MDGA2: variants seen among roughly 807,000 people sequenced by gnomAD.
MDGA2 encodes the protein MAM domain-containing glycosylphosphatidylinositol anchor protein 2.
In MDGA2, 40 loss-of-function variants were observed where a neutral mutation model predicts 117.8. The ratio of observed to expected loss-of-function variants is 0.34; its 90% confidence interval spans 0.26 to 0.44. The LOEUF (loss-of-function observed/expected upper bound fraction) is 0.44. Ranked by LOEUF, MDGA2 falls within the 20% of genes least tolerant of loss-of-function variation. The pLI, the probability that MDGA2 is intolerant of heterozygous loss-of-function variation, is 1.00. For missense variants in MDGA2, 1,123 were observed against 1,250.6 expected (o/e 0.90, Z 1.54); for synonymous variants, 452 against 439.0 (o/e 1.03, Z -0.37).
chr14:47,211,224 C>A lies in MDGA2; in HGVS notation c.595+6797G>T, dbSNP rs557533575. Among the ~76,000 whole-genome samples, 10 of 152,212 alleles carry A rather than the reference C, an allele frequency of 6.6e-5. No homozygotes were observed. The East Asian group carries it at 1.6e-3, about 24-fold the overall frequency. ...TTATTTCGTGCCTTTAATCAAATTT[C>A]TCACCCATTAAAAGATACCTTTGGC... On this transcript the variant is annotated intron_variant, in intron 3 of 16. Coordinates refer to ENST00000399232, the MANE Select transcript of MDGA2 (RefSeq NM_001113498.3).
At chr14:47,546,784 T>C (rs1405260000) in intron 1 of MDGA2, among the ~76,000 whole-genome samples, 1 of 152,138 alleles carries the variant, frequency 6.6e-6, no homozygotes, top group Non-Finnish European at 1.5e-5. Flanking sequence ...TGAGAATGTT[T>C]CTTGGTCTCT....
intron 1 of MDGA2, among the ~76,000 whole-genome samples, chr14:47,508,871 T>C (rs972729750): frequency 4.6e-5 from 7 of 152,124 alleles, no homozygotes; most frequent in Non-Finnish European, 1.0e-4. Context: ...TTTGTATTTT[T>C]AGTAGAGACG....
chr14:47,116,442 C>G (rs2182525), intron 5 of MDGA2, among the ~76,000 whole-genome samples: 46,569 of 151,774 alleles, frequency 0.31, 7,676 homozygotes, highest in African/African-American at 0.42. Flanking sequence ...ACAAAAACCA[C>G]AAATAGCCAA....
intron 1 of MDGA2, among the ~76,000 whole-genome samples, chr14:47,390,841 A>T (rs1027581195): frequency 6.6e-6 from 1 of 151,828 alleles, no homozygotes; most frequent in Admixed American, 6.6e-5. Context: ...TTCTCCTGGA[A>T]TTTTTCCTAT....
Position 47,340,409 on chromosome 14 carries a change from C to A in MDGA2, c.281-38859G>T, listed in dbSNP as rs1214939136. 3.3e-5 allele frequency among the ~76,000 whole-genome samples: 5 copies of A among 152,162 alleles called. No individual in the cohort carries two copies. The East Asian group carries it at 7.7e-4, about 23-fold the overall frequency. ...AACCAAAATGAAAAATAAAAAATAG[C>A]CAAAATACTAATTTTTACTCATAAT... On this transcript the variant is annotated intron_variant, in intron 1 of 16. Transcript: ENST00000399232.
chr14:47,015,355 G>A (rs1888045683), intron 8 of MDGA2, among the ~76,000 whole-genome samples: 1 of 150,552 alleles, frequency 6.6e-6, no homozygotes, highest in South Asian at 2.1e-4. Context: ...AGACTTGCTG[G>A]AAACGAACCT....
At chr14:47,543,590 G>T (rs572244605) in intron 1 of MDGA2, among the ~76,000 whole-genome samples, 1 of 152,234 alleles carries the variant, frequency 6.6e-6, no homozygotes. Context: ...TTTCCACATG[G>T]TTAATAAGTT....
At position 46,873,594 on chromosome 14, in the gene MDGA2, T is replaced by G. The variant is rs776503553; in HGVS notation, c.2594-3A>C. On this transcript the variant is annotated splice_region_variant and splice_polypyrimidine_tract_variant and intron_variant, in intron 13 of 16. Transcript: ENST00000399232. ...TGTCTCAATGTACATATAAAAACCT[T>G]AAAACAGACAAAATAAAGTGTTTAA... 6.2e-7 allele frequency: 1 copy of G among 1,609,252 alleles called. No homozygotes were observed. Among genetic ancestry groups the G allele is most frequent in the Non-Finnish European group, 8.5e-7 (1 of 1,177,676 alleles).
chr14:46,958,333 A>T (rs977034687), intron 8 of MDGA2, among the ~76,000 whole-genome samples: 1 of 152,176 alleles, frequency 6.6e-6, no homozygotes, highest in Non-Finnish European at 1.5e-5. Flanking sequence ...GGATTAGCAT[A>T]GCTGATGCAC....
intron 1 of MDGA2, among the ~76,000 whole-genome samples, chr14:47,456,872 T>G (rs553681610): frequency 6.6e-6 from 1 of 152,122 alleles, no homozygotes; most frequent in East Asian, 1.9e-4. Context: ...CTGAATAAAT[T>G]TACTTAAGAG....
chr14:47,134,034 G>A (rs761500156), intron 4 of MDGA2, among the ~76,000 whole-genome samples: 10 of 152,012 alleles, frequency 6.6e-5, no homozygotes, highest in Non-Finnish European at 1.3e-4. Flanking sequence ...GTATACAACT[G>A]TGCTTTGATA....
At chr14:47,370,760 A>C (rs750202764) in intron 1 of MDGA2, among the ~76,000 whole-genome samples, 6 of 151,594 alleles carry the variant, frequency 4.0e-5, no homozygotes, top group Non-Finnish European at 8.9e-5. Context: ...AATAAATAAT[A>C]CAAATCATAC....
In MDGA2 at chr14:47,079,548, A is replaced by C. The variant is rs143905741; in HGVS notation, c.1195+17306T>G. Among the ~76,000 whole-genome samples, 349 of 152,180 alleles carry C rather than the reference A, an allele frequency of 2.3e-3. 1 individual carries two copies. Among genetic ancestry groups the C allele is most frequent in the African/African-American group, 8.2e-3 (342 of 41,524 alleles). On this transcript the variant is annotated intron_variant, in intron 6 of 16. Coordinates refer to ENST00000399232, the MANE Select transcript of MDGA2 (RefSeq NM_001113498.3). ...CTGATAGCATTATTTAAAATTTGGC[A>C]AAAATTTTAGTGATAAGAATAGCCA...
chr14:47,072,408 A>G (rs1890326567), intron 6 of MDGA2, among the ~76,000 whole-genome samples: 1 of 152,212 alleles, frequency 6.6e-6, no homozygotes, highest in Non-Finnish European at 1.5e-5. Context: ...AGTCAGTCTA[A>G]TGTTAAGACA....
intron 1 of MDGA2, among the ~76,000 whole-genome samples, chr14:47,454,861 A>T (rs1400746593): frequency 7.4e-6 from 1 of 134,568 alleles, no homozygotes; most frequent in Non-Finnish European, 1.6e-5. Context: ...GATGACTTTG[A>T]GAAAAGATTA....
chr14:47,057,597 TTTC>T (rs1465403650), intron 7 of MDGA2, among the ~76,000 whole-genome samples: 10 of 84,944 alleles, frequency 1.2e-4, no homozygotes, highest in East Asian at 3.6e-4. Flanking sequence ...AGGCCTCTCT[TTTC>T]TTCTTTCCTT....
chr14:47,538,587 A>G (rs1376155189), intron 1 of MDGA2, among the ~76,000 whole-genome samples: 1 of 152,138 alleles, frequency 6.6e-6, no homozygotes, highest in East Asian at 1.9e-4. Context: ...CTCACACTCA[A>G]AACATCTCTA....
At chr14:47,007,794 T>C (rs916372977) in intron 8 of MDGA2, among the ~76,000 whole-genome samples, 2 of 151,792 alleles carry the variant, frequency 1.3e-5, no homozygotes, top group African/African-American at 4.8e-5. Context: ...GTGTATCAGA[T>C]TGTTTTGCCT....
chr14:47,068,970 G>T (rs1439053659), intron 6 of MDGA2, among the ~76,000 whole-genome samples: 3 of 152,098 alleles, frequency 2.0e-5, no homozygotes, highest in Non-Finnish European at 2.9e-5. Flanking sequence ...GTATCCTGAG[G>T]TCCTACATCC....
Sources: allele counts gnomAD v4.1 joint callset (sites outside exome capture counted in the v4.1 genomes callset), GRCh38; gene constraint gnomAD v4.1.1; transcripts MANE v1.5; gene names NCBI Gene and HGNC (gene_info 2026-07-23, HGNC 2026-07-21).